The following FAM135B variants were observed in gnomAD, a reference collection of about 807,000 sequenced individuals.
The protein encoded by FAM135B is protein FAM135B.
Under a neutral mutation model 127.7 loss-of-function variants are expected in FAM135B, and 43 were observed. The observed-to-expected ratio is 0.34, with a 90% CI of 0.26 to 0.43. FAM135B has a LOEUF of 0.43. Among genes scored for constraint, FAM135B ranks in the 20% least tolerant of loss-of-function variants. The pLI is 1.00. For synonymous variants in FAM135B, 670 were observed against 665.1 expected (o/e 1.01, Z -0.11); for missense variants, 1,558 against 1,725.6 (o/e 0.90, Z 1.72).
At chr8:138,266,649 A>G (rs1822956003) in intron 3 of FAM135B, among the ~76,000 whole-genome samples, 1 of 148,508 alleles carries the variant, frequency 6.7e-6, no homozygotes. Context: ...GTATATATAC[A>G]TATATATATA....
At chr8:138,371,299 T>C (rs1444233820) in intron 1 of FAM135B, among the ~76,000 whole-genome samples, 2 of 152,130 alleles carry the variant, frequency 1.3e-5, no homozygotes, top group South Asian at 2.1e-4. Flanking sequence ...ACTTATGACA[T>C]ATGCAAACAA....
chr8:138,216,702 C>G (rs1818573493), intron 7 of FAM135B, among the ~76,000 whole-genome samples: 1 of 152,064 alleles, frequency 6.6e-6, no homozygotes, highest in Admixed American at 6.6e-5. Flanking sequence ...GTTTCTAAGC[C>G]CCATTTAAGA....
Position 138,148,718 on chromosome 8 carries a change from G to A in FAM135B, c.3282-32C>T, listed in dbSNP as rs180916351. 4.3e-4 allele frequency: 660 copies of A among 1,538,778 alleles called. 2 individuals are homozygous for A. The African/African-American group carries it at 6.4e-3, about 15-fold the overall frequency. On this transcript the variant is annotated intron_variant, in intron 13 of 19. Transcript: ENST00000395297. ...AATACACTAATTAATCACAAGCCAA[G>A]CTGTGTACTTCATGTTGAACAGGAA...
chr8:138,497,305 G>A (rs1815437094), upstream of FAM135B, among the ~76,000 whole-genome samples: 1 of 150,322 alleles, frequency 6.7e-6, no homozygotes, highest in Admixed American at 6.6e-5. Context: ...GTCCCTCTCC[G>A]CCGCGAGGCC....
At chr8:138,303,129 T>C (rs1826005159) in intron 3 of FAM135B, among the ~76,000 whole-genome samples, 1 of 152,182 alleles carries the variant, frequency 6.6e-6, no homozygotes. Context: ...TAAAGACACA[T>C]GCACATGTGT....
At chr8:138,347,511 CAAG>C (rs1441352382) in intron 2 of FAM135B, among the ~76,000 whole-genome samples, 1 of 152,206 alleles carries the variant, frequency 6.6e-6, no homozygotes, top group Non-Finnish European at 1.5e-5. Context: ...TGAAAGATCA[CAAG>C]AAGGAAACAG....
At chr8:138,258,999 A>G (rs1444447344) in intron 4 of FAM135B, among the ~76,000 whole-genome samples, 1 of 152,234 alleles carries the variant, frequency 6.6e-6, no homozygotes, top group Non-Finnish European at 1.5e-5. Flanking sequence ...CAGGTAATAA[A>G]TTATCATTAT....
chr8:138,358,123 T>C (rs903305937), intron 2 of FAM135B, among the ~76,000 whole-genome samples: 2 of 152,052 alleles, frequency 1.3e-5, no homozygotes, highest in Non-Finnish European at 2.9e-5. Context: ...TCAGCTCTCA[T>C]GAAACTTATT....
At chr8:138,431,981 A>G (rs141528452) in intron 1 of FAM135B, among the ~76,000 whole-genome samples, 75 of 152,336 alleles carry the variant, frequency 4.9e-4, no homozygotes, top group African/African-American at 1.8e-3. Context: ...AGACTTCATC[A>G]GCCAGAAGTG....
At chr8:138,385,659 A>G (rs1160127233) in intron 1 of FAM135B, among the ~76,000 whole-genome samples, 2 of 152,020 alleles carry the variant, frequency 1.3e-5, no homozygotes, top group African/African-American at 4.8e-5. Flanking sequence ...AAAAAACACA[A>G]AAATTAGCCA....
At chr8:138,379,705 C>T (rs1329513815) in intron 1 of FAM135B, among the ~76,000 whole-genome samples, 2 of 152,126 alleles carry the variant, frequency 1.3e-5, no homozygotes, top group African/African-American at 4.8e-5. Flanking sequence ...CTGAGGGAGA[C>T]AGAAGTTGCA....
At chr8:138,161,725 C>T (rs6577880) in intron 12 of FAM135B, among the ~76,000 whole-genome samples, 121,962 of 152,136 alleles carry the variant, frequency 0.8, 49,149 homozygotes, top group East Asian at 1. Context: ...ATTCTTTGCA[C>T]CTTAAGAAAC....
intron 1 of FAM135B, among the ~76,000 whole-genome samples, chr8:138,407,576 C>G (rs1174581734): frequency 2.6e-5 from 4 of 152,128 alleles, no homozygotes; most frequent in Non-Finnish European, 5.9e-5. Context: ...ATCAATGGAA[C>G]AGAACAGAGC....
intron 4 of FAM135B, among the ~76,000 whole-genome samples, chr8:138,262,376 C>CG (rs754578777): frequency 1.0e-3 from 154 of 152,148 alleles, no homozygotes; most frequent in Non-Finnish European, 1.9e-3. Context: ...CAAAGGCCCA[C>CG]GGGAAAAAAT....
intron 1 of FAM135B, among the ~76,000 whole-genome samples, chr8:138,394,351 A>T (rs1832749536): frequency 6.6e-6 from 1 of 152,056 alleles, no homozygotes; most frequent in Non-Finnish European, 1.5e-5. Context: ...GTACCACATC[A>T]TCTCCTTCAA....
In FAM135B at chr8:138,394,834, C is replaced by T. The variant is rs929962913; in HGVS notation, c.-19-26832G>A. ...CTTAGGTCTAGGCAACTGAGCTGTC[C>T]GTGTAAGCAGCAGCACTCGAGTTAA... On this transcript the variant is annotated intron_variant, in intron 1 of 19. Transcript: ENST00000395297. Among the ~76,000 whole-genome samples, 3 of 152,062 alleles carry T rather than the reference C, an allele frequency of 2.0e-5. No homozygotes were observed. The East Asian group carries it at 5.8e-4, about 29-fold the overall frequency.
intron 3 of FAM135B, among the ~76,000 whole-genome samples, chr8:138,280,020 A>G (rs189671963): frequency 1.2e-4 from 18 of 152,320 alleles, no homozygotes; most frequent in African/African-American, 4.1e-4. Flanking sequence ...AAAGAAAGTC[A>G]TGTAGTTTTA....
At chr8:138,158,391 G>A (rs1415048752) in intron 12 of FAM135B, among the ~76,000 whole-genome samples, 4 of 152,178 alleles carry the variant, frequency 2.6e-5, no homozygotes, top group Non-Finnish European at 5.9e-5. Context: ...ATAGACATGT[G>A]CAAGGACTTC....
chr8:138,180,769 CA>C (rs1280717483), intron 9 of FAM135B, among the ~76,000 whole-genome samples: 2 of 152,162 alleles, frequency 1.3e-5, no homozygotes, highest in Non-Finnish European at 2.9e-5. Flanking sequence ...CTACTTCTTC[CA>C]AAAGGTAAGA....
Sources: allele counts gnomAD v4.1 joint callset (sites outside exome capture counted in the v4.1 genomes callset), GRCh38; gene constraint gnomAD v4.1.1; transcripts MANE v1.5; gene names NCBI Gene and HGNC (gene_info 2026-07-23, HGNC 2026-07-21).